Variants in PTPRU observed in about 807,000 individuals in gnomAD.
The protein encoded by PTPRU is receptor-type tyrosine-protein phosphatase U.
A neutral mutation model predicts 166.3 loss-of-function variants in PTPRU; 69 were observed. The ratio of observed to expected loss-of-function variants is 0.41; its 90% confidence interval spans 0.34 to 0.51. The LOEUF (loss-of-function observed/expected upper bound fraction) is 0.51. Ranked by LOEUF, PTPRU falls within the 20% of genes least tolerant of loss-of-function variation. The pLI, the probability that PTPRU is intolerant of heterozygous loss-of-function variation, is 0.09. For missense variants in PTPRU, 1,657 were observed against 2,013.7 expected (o/e 0.82, Z 3.39); for synonymous variants, 793 against 814.0 (o/e 0.97, Z 0.44).
In PTPRU at chr1:29,279,955, A is replaced by G. The variant is rs1685985962; in HGVS notation, c.1766-84A>G. ...CTAAGGCTGAAGTAGGGGAGATCTG[A>G]GGACTGTGGTCAAGGAGGCTGGAAG... On this transcript the variant is annotated intron_variant, in intron 10 of 29. Coordinates refer to ENST00000373779, the MANE Select transcript of PTPRU (RefSeq NM_133178.4). The surrounding 1 kb of genome is among the most constrained non-coding windows in gnomAD (Gnocchi z 5.2). The G allele has an allele frequency of 1.5e-6, 2 of 1,367,978 alleles. No homozygotes were observed. The highest frequency in any genetic ancestry group is 1.9e-5 in the Admixed American group (1 of 53,678). The allele number at this position is 1,367,978 out of a possible 1,614,324, so 84.7% of individuals were successfully genotyped here.
intron 14 of PTPRU, chr1:29,289,554 C>A (rs950716202): frequency 7.8e-5 from 86 of 1,106,084 alleles, no homozygotes; most frequent in Admixed American, 1.6e-4. Flanking sequence ...CTGTTCAGTC[C>A]CTGGCCAGCC....
At chr1:29,321,685 G>A (rs571883343) in intron 26 of PTPRU, among the ~76,000 whole-genome samples, 1 of 152,340 alleles carries the variant, frequency 6.6e-6, no homozygotes, top group South Asian at 2.1e-4. Flanking sequence ...TCTGTAAAAT[G>A]GGGGCCATCA....
chr1:29,301,532 A>G (rs1250911686), intron 15 of PTPRU, among the ~76,000 whole-genome samples: 1 of 152,246 alleles, frequency 6.6e-6, no homozygotes, highest in Non-Finnish European at 1.5e-5. Flanking sequence ...ACTGTAAAAC[A>G]GCCTCTGGCA....
Position 29,312,716 on chromosome 1 carries a change from C to T in PTPRU, c.3227+10C>T, listed in dbSNP as rs555598155. 1.9e-6 allele frequency: 3 copies of T among 1,594,928 alleles called. No homozygotes were observed. Among genetic ancestry groups the T allele is most frequent in the Admixed American group, 1.7e-5 (1 of 59,218 alleles). ...TTGTCATCCACTGCAGGTGGGGGCACCGGGAATCCCAAGGAGAAAAGGGGC... is the reference window on the plus strand; with the variant it reads ...TTGTCATCCACTGCAGGTGGGGGCATCGGGAATCCCAAGGAGAAAAGGGGC... On this transcript the variant is annotated intron_variant, in intron 22 of 29. Coordinates refer to ENST00000373779, the MANE Select transcript of PTPRU (RefSeq NM_133178.4).
chr1:29,317,479 G>A lies in PTPRU; in HGVS notation c.3514-269G>A, dbSNP rs1384280084. ...CATATTACTTCCCTATTTCACAGTC[G>A]AGGAAACTGAGGCTGAGAGATGCAG... On this transcript the variant is annotated intron_variant, in intron 24 of 29. Coordinates refer to ENST00000373779, the MANE Select transcript of PTPRU (RefSeq NM_133178.4). This position sits in a 1 kb window ranked among gnomAD's most constrained non-coding sequence, Gnocchi z 5.6. Among the ~76,000 whole-genome samples, 1 of 152,126 alleles carries A rather than the reference G, an allele frequency of 6.6e-6. No individual in the cohort carries two copies. Among genetic ancestry groups the A allele is most frequent in the African/African-American group, 2.4e-5 (1 of 41,424 alleles).
At chr1:29,255,252 C>T (rs1396055283) in intron 1 of PTPRU, 23 bp from the exon 2 acceptor site, 2 of 1,609,008 alleles carry the variant, frequency 1.2e-6, no homozygotes, top group Non-Finnish European at 1.7e-6. Flanking sequence ...TTAGCCTGGG[C>T]TAACCAGGCC....
At chr1:29,277,326 C>T (rs1383916789) in intron 8 of PTPRU, among the ~76,000 whole-genome samples, 3 of 152,132 alleles carry the variant, frequency 2.0e-5, no homozygotes, top group African/African-American at 7.2e-5. Context: ...GTCTCGAACT[C>T]CTGACCTCAG....
chr1:29,323,509 A>G lies in PTPRU; in HGVS notation c.3954+13A>G. ...GAACATCTCTCGGGTGAGTGGTCTG[A>G]GGAGCCCCAGGGAAGGACCCTGGGT... On this transcript the variant is annotated intron_variant, in intron 27 of 29. Coordinates refer to ENST00000373779, the MANE Select transcript of PTPRU (RefSeq NM_133178.4). The G allele has an allele frequency of 6.2e-7, 1 of 1,611,584 alleles. No individual in the cohort carries two copies.
intron 7 of PTPRU, among the ~76,000 whole-genome samples, chr1:29,264,142 C>G (rs1685186416): frequency 6.7e-6 from 1 of 150,342 alleles, no homozygotes; most frequent in Non-Finnish European, 1.5e-5. Flanking sequence ...CCACTGCACT[C>G]CAGCCTGGGT....
At chr1:29,323,186 G>T in intron 26 of PTPRU, 185 bp from the exon 27 acceptor site, 1 of 731,030 alleles carries the variant, frequency 1.4e-6, no homozygotes, top group Non-Finnish European at 2.2e-6. Context: ...GGGCAGGTGG[G>T]CCTTGCAGCC....
At chr1:29,290,733 C>T (rs543022197) in intron 14 of PTPRU, among the ~76,000 whole-genome samples, 105 of 152,356 alleles carry the variant, frequency 6.9e-4, no homozygotes, top group South Asian at 2.7e-3. Context: ...CTGCTGCTTG[C>T]GCAGTTAGTT....
intron 1 of PTPRU, among the ~76,000 whole-genome samples, chr1:29,240,541 G>C (rs1416913649): frequency 1.3e-5 from 2 of 152,182 alleles, no homozygotes; most frequent in Non-Finnish European, 2.9e-5. Context: ...CCTGGAGGGT[G>C]GGGGATGGTG....
At chr1:29,240,205 G>A (rs548020843) in intron 1 of PTPRU, among the ~76,000 whole-genome samples, 76 of 152,264 alleles carry the variant, frequency 5.0e-4, no homozygotes, top group African/African-American at 1.8e-3. Context: ...CTTCCTCGGT[G>A]ATGCCCTGTC....
chr1:29,315,061 G>A lies in PTPRU; in HGVS notation c.3228-311G>A, dbSNP rs1407191018. On this transcript the variant is annotated intron_variant, in intron 22 of 29. Transcript: ENST00000373779. The surrounding 1 kb of genome is among the most constrained non-coding windows in gnomAD (Gnocchi z 4.5). ...GGAAAGAACATTCTTGAATTAGCTC[G>A]GAGGATCATCATTCCTGTTCTCTCC... Among the ~76,000 whole-genome samples the A allele has an allele frequency of 6.6e-6, 1 of 152,120 alleles. No individual in the cohort carries two copies. The highest frequency in any genetic ancestry group is 1.5e-5 in the Non-Finnish European group (1 of 68,014).
rs759323710 is a variant in PTPRU, at chr1:29,311,740, G to T, written c.3053G>T (p.Arg1018Leu). ...GAGACCCTGGCTGAGTATGTCGTGCGCACTTTTGCCCTGGAGCGGGTGAGT... is the reference window on the plus strand; with the variant it reads ...GAGACCCTGGCTGAGTATGTCGTGCTCACTTTTGCCCTGGAGCGGGTGAGT... ...KTETLAEYVVRTFALERRGYS... is the reference protein window; with the variant it reads ...KTETLAEYVVLTFALERRGYS... The change falls in exon 21 of 30, where the codon CGC (arginine) becomes CTC (leucine). Residue 1018 changes from arginine to leucine, a missense_variant. Transcript: ENST00000373779. The surrounding 1 kb of genome is among the most constrained non-coding windows in gnomAD (Gnocchi z 4.1). 6.2e-7 allele frequency: 1 copy of T among 1,614,138 alleles called. No homozygotes were observed. The highest frequency in any genetic ancestry group is 8.5e-7 in the Non-Finnish European group (1 of 1,179,986).
At chr1:29,302,139 AG>A (rs1207415921) in intron 15 of PTPRU, among the ~76,000 whole-genome samples, 1 of 148,214 alleles carries the variant, frequency 6.7e-6, no homozygotes, top group African/African-American at 2.6e-5. Flanking sequence ...GTGCAGGCCT[AG>A]GCTAATGTGT....
chr1:29,256,660 T>G (rs1440033038), intron 2 of PTPRU, among the ~76,000 whole-genome samples: 1 of 152,230 alleles, frequency 6.6e-6, no homozygotes, highest in African/African-American at 2.4e-5. Flanking sequence ...TCTGCAGGTG[T>G]TAGTGGGTAT....
chr1:29,239,064 AAGCTGGGGTATTAGGT>A (rs1683918006), intron 1 of PTPRU, among the ~76,000 whole-genome samples: 2 of 152,206 alleles, frequency 1.3e-5, no homozygotes, highest in South Asian at 4.1e-4. Context: ...CTGTGATTTA[AAGCTGGGGTATTAGGT>A]GTCAAATTCT....
chr1:29,260,591 C>G lies in PTPRU; in HGVS notation c.851-19C>G, dbSNP rs770121495. The G allele has an allele frequency of 6.7e-7, 1 of 1,482,932 alleles. No individual in the cohort carries two copies. Among genetic ancestry groups the G allele is most frequent in the Non-Finnish European group, 9.0e-7 (1 of 1,113,888 alleles). The allele number at this position is 1,482,932 out of a possible 1,614,324, so 91.9% of individuals were successfully genotyped here. On this transcript the variant is annotated intron_variant, in intron 6 of 29. Coordinates refer to ENST00000373779, the MANE Select transcript of PTPRU (RefSeq NM_133178.4). This position sits in a 1 kb window ranked among gnomAD's most constrained non-coding sequence, Gnocchi z 8.3. ...ACAGCAGCATCGGTCCGCCTCGCCT[C>G]TCCCCCATCTCCTCGCAGAGCCCCC... is the stretch of plus-strand genomic sequence containing the variant.
Sources: gnomAD v4.1 joint callset for allele counts (sites outside exome capture counted in the v4.1 genomes callset) on GRCh38, gnomAD v4.1.1 for gene constraint, Gnocchi (gnomAD v3.1) non-coding constraint, MANE v1.5 for transcripts, NCBI Gene and HGNC (gene_info 2026-07-23, HGNC 2026-07-21) for gene names.